The following GRIA4 variants were observed in gnomAD, a reference collection of about 807,000 sequenced individuals.
GRIA4 encodes glutamate ionotropic receptor AMPA type subunit 4, also known as glutamate receptor 4.
Under a neutral mutation model 104.0 loss-of-function variants are expected in GRIA4, and 34 were observed. The observed-to-expected ratio is 0.33, with a 90% CI of 0.25 to 0.44. GRIA4 has a LOEUF of 0.44. GRIA4 is among the 20% of genes least tolerant of loss of function. GRIA4 has a pLI of 1.00. For synonymous variants in GRIA4, 386 were observed against 381.9 expected (o/e 1.01, Z -0.13); for missense variants, 750 against 1,096.5 (o/e 0.68, Z 4.46).
chr11:105,882,146 A>G (rs1946089137), intron 5 of GRIA4, among the ~76,000 whole-genome samples: 1 of 152,208 alleles, frequency 6.6e-6, no homozygotes, highest in Non-Finnish European at 1.5e-5. Context: ...CCTCATGACA[A>G]TAAGTTGTCA....
rs148090705 is a variant in GRIA4 at position 105,657,229 on chromosome 11, T to C, written c.247+44795T>C. ...ATTGTTGATTAATATAACCTTAAGC[T>C]TTTCTCAGCCATTTTATCTGCAACA... On this transcript the variant is annotated intron_variant, in intron 3 of 16. Coordinates refer to ENST00000282499, the MANE Select transcript of GRIA4 (RefSeq NM_000829.4). Among the ~76,000 whole-genome samples, 328 of 152,112 alleles carry C rather than the reference T, an allele frequency of 2.2e-3. 2 individuals carry two copies. The highest frequency in any genetic ancestry group is 7.6e-3 in the African/African-American group (315 of 41,530).
intron 4 of GRIA4, among the ~76,000 whole-genome samples, chr11:105,774,795 T>C (rs1941379021): frequency 2.0e-5 from 3 of 152,204 alleles, no homozygotes; most frequent in Admixed American, 2.0e-4. Context: ...CAGTGCTTAA[T>C]CATTTGGTTA....
intron 5 of GRIA4, among the ~76,000 whole-genome samples, chr11:105,872,590 C>T (rs1042315936): frequency 5.3e-5 from 8 of 152,084 alleles, no homozygotes; most frequent in Non-Finnish European, 8.8e-5. Flanking sequence ...CCCTTTGAAA[C>T]ATTCATAACA....
At chr11:105,770,325 T>C (rs764335023) in intron 4 of GRIA4, among the ~76,000 whole-genome samples, 14 of 152,070 alleles carry the variant, frequency 9.2e-5, no homozygotes, top group Admixed American at 2.0e-4. Context: ...AAGTCTCGTG[T>C]TTAATATAAG....
intron 3 of GRIA4, among the ~76,000 whole-genome samples, chr11:105,658,454 C>A (rs988596588): frequency 6.6e-6 from 1 of 151,216 alleles, no homozygotes; most frequent in African/African-American, 2.4e-5. Context: ...ATAAAAGAAT[C>A]TGGAATGTGT....
In GRIA4 at chr11:105,610,885, TTTTTG is replaced by T; in HGVS notation, c.-90-22_-90-18del. 43 of 472,036 alleles carry T rather than the reference TTTTTG, an allele frequency of 9.1e-5. No homozygotes were observed. The highest frequency in any genetic ancestry group is 4.1e-4 in the South Asian group (9 of 21,974). 29.2% of individuals were successfully genotyped at this position (472,036 alleles called of 1,614,324 possible). A position where few individuals can be genotyped will look rare whatever the true frequency, so the allele number is the denominator to read the frequency against. On this transcript the variant is annotated intron_variant, in intron 1 of 16. Coordinates refer to ENST00000282499, the MANE Select transcript of GRIA4 (RefSeq NM_000829.4). ...TCTTTCTTTTCTTTTTTTTTTTTTT[TTTTTG>T]GTTGATTTTAATTTTAGCGCCATCG...
chr11:105,811,631 G>A (rs570956203), intron 4 of GRIA4, among the ~76,000 whole-genome samples: 5 of 152,182 alleles, frequency 3.3e-5, no homozygotes, highest in Non-Finnish European at 7.3e-5. Context: ...AAGACACCCA[G>A]TTAAATTTAA....
At chr11:105,759,743 TG>T (rs1242464400) in intron 4 of GRIA4, among the ~76,000 whole-genome samples, 1 of 152,204 alleles carries the variant, frequency 6.6e-6, no homozygotes, top group Non-Finnish European at 1.5e-5. Flanking sequence ...ATTCACCATT[TG>T]GGTCTGAGCA....
At chr11:105,791,399 A>C (rs1942209932) in intron 4 of GRIA4, among the ~76,000 whole-genome samples, 1 of 152,222 alleles carries the variant, frequency 6.6e-6, no homozygotes, top group South Asian at 2.1e-4. Flanking sequence ...CATTTAATGC[A>C]TAATGTTCTT....
At chr11:105,944,738 G>T (rs1293168755) in intron 14 of GRIA4, among the ~76,000 whole-genome samples, 1 of 152,048 alleles carries the variant, frequency 6.6e-6, no homozygotes, top group Non-Finnish European at 1.5e-5. Flanking sequence ...ATGAGTGACA[G>T]AAGTGGAACT....
At chr11:105,724,378 TACAC>T (rs781566275) in intron 3 of GRIA4, among the ~76,000 whole-genome samples, 12 of 118,796 alleles carry the variant, frequency 1.0e-4, no homozygotes, top group East Asian at 2.4e-4. Flanking sequence ...CCATTATATA[TACAC>T]ACACACACAC....
chr11:105,905,356 A>G (rs556110458), intron 9 of GRIA4, 55 bp downstream of exon 9: 2 of 989,444 alleles, frequency 2.0e-6, no homozygotes, highest in African/African-American at 1.6e-5. Context: ...TTTGTATGTA[A>G]CATTTTAAAG....
intron 4 of GRIA4, among the ~76,000 whole-genome samples, chr11:105,770,174 G>C (rs1340952640): frequency 6.6e-6 from 1 of 152,086 alleles, no homozygotes; most frequent in Non-Finnish European, 1.5e-5. Flanking sequence ...GATGCAAGGA[G>C]AGTTTCACCT....
chr11:105,973,227 C>G (rs1362307298), intron 15 of GRIA4, among the ~76,000 whole-genome samples: 2 of 152,120 alleles, frequency 1.3e-5, no homozygotes, highest in Non-Finnish European at 2.9e-5. Flanking sequence ...AAATACTCTC[C>G]TATAAAACTC....
chr11:105,837,675 A>G (rs942439760), intron 4 of GRIA4, among the ~76,000 whole-genome samples: 1 of 152,192 alleles, frequency 6.6e-6, no homozygotes, highest in Non-Finnish European at 1.5e-5. Flanking sequence ...AGGTTATTTC[A>G]TACTACTATA....
intron 4 of GRIA4, among the ~76,000 whole-genome samples, chr11:105,798,849 T>C (rs755657895): frequency 1.3e-5 from 2 of 152,138 alleles, no homozygotes; most frequent in Admixed American, 6.6e-5. Flanking sequence ...GGAAGTCAGG[T>C]AGTGCTCAGG....
chr11:105,627,521 G>A (rs1423515009), intron 3 of GRIA4, among the ~76,000 whole-genome samples: 1 of 152,166 alleles, frequency 6.6e-6, no homozygotes, highest in Non-Finnish European at 1.5e-5. Context: ...ATAGCAAAAT[G>A]TGGTTCCTTT....
chr11:105,915,698 A>G (rs1947379730), intron 10 of GRIA4, among the ~76,000 whole-genome samples: 1 of 152,216 alleles, frequency 6.6e-6, no homozygotes, highest in African/African-American at 2.4e-5. Flanking sequence ...AATGAATTTC[A>G]TAAAAATGCA....
chr11:105,638,326 C>G (rs1375527779), intron 3 of GRIA4, among the ~76,000 whole-genome samples: 1 of 152,138 alleles, frequency 6.6e-6, no homozygotes, highest in Admixed American at 6.6e-5. Context: ...TACAGGCTAA[C>G]AAGGCCTGGA....
Sources: gnomAD v4.1 joint callset for allele counts (sites outside exome capture counted in the v4.1 genomes callset) on GRCh38, gnomAD v4.1.1 for gene constraint, MANE v1.5 for transcripts, NCBI Gene and HGNC (gene_info 2026-07-23, HGNC 2026-07-21) for gene names.